The following TWIST2 variants were observed in gnomAD, a reference collection of about 807,000 sequenced individuals.
The protein encoded by TWIST2 is twist family bHLH transcription factor 2, also known as twist-related protein 2.
A neutral mutation model predicts 11.6 loss-of-function variants in TWIST2; 1 was observed. The ratio of observed to expected loss-of-function variants is 0.09; its 90% CI spans 0.03 to 0.41. The LOEUF is 0.41. TWIST2 is among the 10% of genes least tolerant of loss of function. The pLI, the probability that TWIST2 is intolerant of heterozygous loss-of-function variation, is 0.98. For missense variants in TWIST2, 168 were observed against 226.4 expected (o/e 0.74, Z 1.66); for synonymous variants, 87 against 96.6 (o/e 0.90, Z 0.58).
intron 1 of TWIST2, among the ~76,000 whole-genome samples, chr2:238,884,235 G>A (rs1368999704): frequency 2.0e-5 from 3 of 152,208 alleles, no homozygotes; most frequent in Admixed American, 1.3e-4. Flanking sequence ...GGGCTGCCAA[G>A]TCTGCCCCAG....
chr2:238,909,366 G>T (rs1368124323), intron 1 of TWIST2, among the ~76,000 whole-genome samples: 2 of 152,090 alleles, frequency 1.3e-5, no homozygotes, highest in Non-Finnish European at 2.9e-5. Context: ...TCCCGCCAGC[G>T]GCTGACCCAT....
intron 1 of TWIST2, among the ~76,000 whole-genome samples, chr2:238,872,337 T>C (rs1692721385): frequency 1.3e-5 from 2 of 152,132 alleles, no homozygotes; most frequent in Non-Finnish European, 2.9e-5. Context: ...GTAGGGGGAT[T>C]GCAAGGCCAG....
chr2:238,901,865 G>A (rs957831582), intron 1 of TWIST2, among the ~76,000 whole-genome samples: 42 of 152,092 alleles, frequency 2.8e-4, no homozygotes, highest in East Asian at 9.6e-4. Flanking sequence ...ACCCTGGCAC[G>A]TTCCCTAGCC....
chr2:238,860,251 A>G (rs1356041860), intron 1 of TWIST2, among the ~76,000 whole-genome samples: 4 of 152,198 alleles, frequency 2.6e-5, no homozygotes, highest in Non-Finnish European at 4.4e-5. Context: ...AGACACCTGG[A>G]GACATCAGGA....
At chr2:238,872,893 C>G (rs779910370) in intron 1 of TWIST2, among the ~76,000 whole-genome samples, 5 of 152,172 alleles carry the variant, frequency 3.3e-5, no homozygotes, top group Non-Finnish European at 5.9e-5. Flanking sequence ...GTGTTGCCCT[C>G]ACATTTACTG....
intron 1 of TWIST2, among the ~76,000 whole-genome samples, chr2:238,895,032 C>T (rs1457524428): frequency 6.6e-6 from 1 of 152,206 alleles, no homozygotes; most frequent in Non-Finnish European, 1.5e-5. Context: ...GGCTGAGGCA[C>T]GTGCCTGCGT....
intron 1 of TWIST2, among the ~76,000 whole-genome samples, chr2:238,891,185 G>A (rs1476400550): frequency 6.6e-6 from 1 of 152,186 alleles, no homozygotes; most frequent in Non-Finnish European, 1.5e-5. Context: ...AGGAGATCTC[G>A]AACACGTTTT....
chr2:238,865,056 C>T (rs1473198805), intron 1 of TWIST2, among the ~76,000 whole-genome samples: 2 of 152,166 alleles, frequency 1.3e-5, no homozygotes, highest in Non-Finnish European at 2.9e-5. Flanking sequence ...TCACTCCACT[C>T]GTTGAAAGTC....
chr2:238,909,190 T>G, intron 1 of TWIST2, among the ~76,000 whole-genome samples: 1 of 78,840 alleles, frequency 1.3e-5, no homozygotes, highest in Non-Finnish European at 2.6e-5. Context: ...GTGTGGTATG[T>G]TTGGTGTGTG....
chr2:238,895,868 C>T (rs1362830013), intron 1 of TWIST2, among the ~76,000 whole-genome samples: 2 of 152,146 alleles, frequency 1.3e-5, no homozygotes, highest in Admixed American at 6.5e-5. Context: ...CAGACAAGCT[C>T]GCCCTCTCCC....
rs1475934541 is a variant in TWIST2 at position 238,852,665 on chromosome 2, A to ACG, written c.*35+3933_*35+3934insGC. ...TGCATAGCACTAAACACACACACAC[A>ACG]CACGCACATGCACGTGCACACACAT... On this transcript the variant is annotated intron_variant, in intron 1 of 1. Transcript: ENST00000612363. 1.7e-3 allele frequency among the ~76,000 whole-genome samples: 121 copies of ACG among 71,760 alleles called. 1 individual carries two copies. The highest frequency in any genetic ancestry group is 2.4e-3 in the African/African-American group (35 of 14,544). The allele number at this position is 71,760 out of a possible 152,430, so 47.1% of individuals were successfully genotyped here. A position where few individuals can be genotyped will look rare whatever the true frequency, so the allele number is the denominator to read the frequency against.
intron 1 of TWIST2, among the ~76,000 whole-genome samples, chr2:238,899,514 G>A (rs1009184278): frequency 3.3e-5 from 5 of 152,178 alleles, no homozygotes; most frequent in Admixed American, 6.5e-5. Flanking sequence ...TCCCAAGGCT[G>A]CGCCACAGAG....
intron 1 of TWIST2, among the ~76,000 whole-genome samples, chr2:238,890,332 C>T (rs371923219): frequency 1.5e-4 from 23 of 152,222 alleles, no homozygotes; most frequent in African/African-American, 5.3e-4. Context: ...GCCCGGCCTG[C>T]GCGGGGCAGG....
Position 238,906,624 on chromosome 2 carries a change from ACACT to A in TWIST2, c.*36-3212_*36-3209del, listed in dbSNP as rs1484193222. The stretch of plus-strand genomic sequence containing the variant: ...TCACTCTGGACATTCTTTCATACTC[ACACT>A]CACTCTCACACTAGTGGGCACACTC... On this transcript the variant is annotated intron_variant, in intron 1 of 1. Transcript: ENST00000612363. 4.4e-3 allele frequency among the ~76,000 whole-genome samples: 667 copies of A among 151,864 alleles called. 3 individuals carry two copies. Among genetic ancestry groups the A allele is most frequent in the African/African-American group, 0.015 (629 of 41,408 alleles).
At chr2:238,856,158 T>C (rs780798293) in intron 1 of TWIST2, among the ~76,000 whole-genome samples, 1 of 151,990 alleles carries the variant, frequency 6.6e-6, no homozygotes, top group Non-Finnish European at 1.5e-5. Flanking sequence ...TGAGGTCCCG[T>C]CTTGTGTGAC....
chr2:238,855,869 G>A (rs1367675825), intron 1 of TWIST2, among the ~76,000 whole-genome samples: 2 of 152,106 alleles, frequency 1.3e-5, no homozygotes, highest in African/African-American at 4.8e-5. Flanking sequence ...CAGCACCCCC[G>A]CCTCAGTGTG....
Position 238,864,715 on chromosome 2 carries a change from G to T in TWIST2, c.*35+15982G>T, listed in dbSNP as rs879760172. 6.6e-5 allele frequency among the ~76,000 whole-genome samples: 10 copies of T among 152,250 alleles called. No individual in the cohort carries two copies. Among genetic ancestry groups the T allele is most frequent in the Admixed American group, 4.6e-4 (7 of 15,300 alleles). ...TTGCTCTGTGGGGACACTGCCCTGG[G>T]GTCCACCCTGCCGCGGGGTCCACTT... On this transcript the variant is annotated intron_variant, in intron 1 of 1. Coordinates refer to ENST00000612363, the MANE Select transcript of TWIST2 (RefSeq NM_001271893.4). This position sits in a 1 kb window ranked among gnomAD's most constrained non-coding sequence, Gnocchi z 4.7.
chr2:238,854,041 T>C (rs560742628), intron 1 of TWIST2, among the ~76,000 whole-genome samples: 19 of 152,358 alleles, frequency 1.2e-4, no homozygotes, highest in African/African-American at 3.6e-4. Context: ...ACCCAGCTTC[T>C]GTCGAAGCCT....
rs962053375 is a variant in TWIST2 at position 238,863,500 on chromosome 2, C to T, written c.*35+14767C>T. On this transcript the variant is annotated intron_variant, in intron 1 of 1. Transcript: ENST00000612363. This position sits in a 1 kb window ranked among gnomAD's most constrained non-coding sequence, Gnocchi z 4.7. Reference sequence around the variant, plus strand: ...GTGCGGTTTCAGCTCTCCTGGCTGGCCTTTACCCGCTGGGCAGTTCCCAAA... The same window carrying T: ...GTGCGGTTTCAGCTCTCCTGGCTGGTCTTTACCCGCTGGGCAGTTCCCAAA... Among the ~76,000 whole-genome samples the T allele has an allele frequency of 8.5e-5, 13 of 152,182 alleles. No homozygotes were observed. Among genetic ancestry groups the T allele is most frequent in the Non-Finnish European group, 1.8e-4 (12 of 68,042 alleles).
Sources: gnomAD v4.1 joint callset for allele counts (sites outside exome capture counted in the v4.1 genomes callset) on GRCh38, gnomAD v4.1.1 for gene constraint, Gnocchi (gnomAD v3.1) non-coding constraint, MANE v1.5 for transcripts, NCBI Gene and HGNC (gene_info 2026-07-23, HGNC 2026-07-21) for gene names.